The following GALNT9 variants were observed in gnomAD, a reference collection of about 807,000 sequenced individuals.
GALNT9 encodes the protein GalNAc transferase 9.
GALNT9 carries 47 observed loss-of-function variants against 63.1 expected under a neutral mutation model. The observed-to-expected ratio is 0.75, with a 90% CI of 0.59 to 0.95. The LOEUF (loss-of-function observed/expected upper bound fraction) is 0.95, where lower values mean the gene tolerates loss of function less well. Among genes scored for constraint, GALNT9 ranks in the 40% least tolerant of loss-of-function variants. The probability of loss-of-function intolerance (pLI) is 0.00; values close to 1 mark genes in which losing one functional copy is unlikely to be tolerated. For missense variants in GALNT9, 829 were observed against 874.8 expected (o/e 0.95, Z 0.66); for synonymous variants, 396 against 365.7 (o/e 1.08, Z -0.94).
chr12:132,313,465 C>G (rs1315809290), intron 1 of GALNT9, among the ~76,000 whole-genome samples: 3 of 148,272 alleles, frequency 2.0e-5, no homozygotes, highest in Non-Finnish European at 4.5e-5. Flanking sequence ...ACTCACCCAC[C>G]CATCCACCCA....
At position 132,265,350 on chromosome 12, in the gene GALNT9, G is replaced by A. The variant is rs565231620; in HGVS notation, c.420-2725C>T. Among the ~76,000 whole-genome samples, 10 of 152,212 alleles carry A rather than the reference G, an allele frequency of 6.6e-5. No homozygotes were observed. Among genetic ancestry groups the A allele is most frequent in the African/African-American group, 2.4e-4 (10 of 41,534 alleles). On this transcript the variant is annotated intron_variant, in intron 2 of 10. Transcript: ENST00000328957. The surrounding 1 kb of genome is among the most constrained non-coding windows in gnomAD (Gnocchi z 5.3). ...GTGGGCTGAACGGTGTCCTCCTCCCGCGACCCAAGACACAGTGTCAGCAGG... is the reference window on the plus strand; with the variant it reads ...GTGGGCTGAACGGTGTCCTCCTCCCACGACCCAAGACACAGTGTCAGCAGG...
At chr12:132,204,886 C>G (rs1442470729) in intron 6 of GALNT9, among the ~76,000 whole-genome samples, 1 of 152,140 alleles carries the variant, frequency 6.6e-6, no homozygotes, top group Non-Finnish European at 1.5e-5. Context: ...GCCTGCCATG[C>G]TGGACGAGTG....
At chr12:132,206,550 A>G (rs1157888652) in intron 6 of GALNT9, among the ~76,000 whole-genome samples, 5 of 152,090 alleles carry the variant, frequency 3.3e-5, no homozygotes, top group Non-Finnish European at 7.4e-5. Context: ...AGGAGGCTGA[A>G]ACATGAGAAT....
intron 6 of GALNT9, among the ~76,000 whole-genome samples, chr12:132,241,070 ACG>A (rs2136900606): frequency 8.6e-6 from 1 of 116,068 alleles, no homozygotes; most frequent in Admixed American, 8.1e-5. Flanking sequence ...CATTACACAC[ACG>A]CCACACACCC....
chr12:132,206,355 G>A (rs1310656431), intron 6 of GALNT9, among the ~76,000 whole-genome samples: 1 of 152,158 alleles, frequency 6.6e-6, no homozygotes, highest in Non-Finnish European at 1.5e-5. Context: ...TTAGTTAAAG[G>A]CACAAAACCA....
intron 6 of GALNT9, among the ~76,000 whole-genome samples, chr12:132,206,932 G>A (rs1225602563): frequency 2.0e-5 from 3 of 152,178 alleles, no homozygotes; most frequent in Non-Finnish European, 4.4e-5. Flanking sequence ...AGGTGTGGTG[G>A]TGCATGCCTG....
chr12:132,249,543 C>G (rs1283204535), intron 5 of GALNT9, among the ~76,000 whole-genome samples: 1 of 152,184 alleles, frequency 6.6e-6, no homozygotes, highest in African/African-American at 2.4e-5. Flanking sequence ...TAATACCCCC[C>G]CTTGATTTTT....
intron 1 of GALNT9, among the ~76,000 whole-genome samples, chr12:132,299,989 T>C (rs1399600425): frequency 7.3e-6 from 1 of 137,370 alleles, no homozygotes; most frequent in Non-Finnish European, 1.5e-5. Context: ...AACCCACCCC[T>C]CAGATGACCA....
rs1208573252 is a variant in GALNT9, at chr12:132,227,842, G to A, written c.1077+20068C>T. On this transcript the variant is annotated intron_variant, in intron 6 of 10. Coordinates refer to ENST00000328957, the MANE Select transcript of GALNT9 (RefSeq NM_001122636.2). ...TGGAGGGGTCTTCTGAAGACCCCTC[G>A]TGCTCAGCGGGGCTTCCCCACAGGG... is the stretch of plus-strand genomic sequence containing the variant. 5.3e-5 allele frequency among the ~76,000 whole-genome samples: 8 copies of A among 152,156 alleles called. No homozygotes were observed. In the South Asian group the frequency reaches 6.2e-4, roughly 12 times the overall value.
chr12:132,206,037 T>C (rs115585045), intron 6 of GALNT9: 4,912 of 152,614 alleles, frequency 0.032, 253 homozygotes, highest in African/African-American at 0.11. Flanking sequence ...CCTGGCACAC[T>C]GGCCTCTGGG....
intron 1 of GALNT9, among the ~76,000 whole-genome samples, chr12:132,328,146 G>A (rs1365910853): frequency 6.6e-6 from 1 of 152,194 alleles, no homozygotes; most frequent in Non-Finnish European, 1.5e-5. Context: ...CCGGGAAGGT[G>A]GAGCAGCTGG....
chr12:132,322,986 C>T (rs1262452106), intron 1 of GALNT9, among the ~76,000 whole-genome samples: 1 of 152,078 alleles, frequency 6.6e-6, no homozygotes. Context: ...GAGAGCCGTG[C>T]GTCAGCCTTG....
chr12:132,242,392 C>T (rs868953349), intron 6 of GALNT9, among the ~76,000 whole-genome samples: 1 of 7,488 alleles, frequency 1.3e-4, no homozygotes. Flanking sequence ...ACCCCCTTCC[C>T]GGGGCCCTCC....
At chr12:132,201,325 A>C in intron 7 of GALNT9, 64 bp from the exon 8 acceptor site, 7 of 1,201,442 alleles carry the variant, frequency 5.8e-6, no homozygotes, top group Non-Finnish European at 6.1e-6. Context: ...CTTCCCCATA[A>C]TGAGGTTGGG....
chr12:132,267,745 G>A (rs902056430), intron 2 of GALNT9, among the ~76,000 whole-genome samples: 2 of 132,500 alleles, frequency 1.5e-5, no homozygotes, highest in South Asian at 2.3e-4. Flanking sequence ...AAATACACAA[G>A]CACACACACT....
chr12:132,267,937 ACACG>A (rs1879702510), intron 2 of GALNT9, among the ~76,000 whole-genome samples: 1 of 150,674 alleles, frequency 6.6e-6, no homozygotes, highest in South Asian at 2.1e-4. Context: ...ATGCACACAC[ACACG>A]CACTCACATA....
chr12:132,290,349 G>A (rs1555242590), intron 1 of GALNT9, among the ~76,000 whole-genome samples: 1 of 152,162 alleles, frequency 6.6e-6, no homozygotes, highest in African/African-American at 2.4e-5. Context: ...TCAGTGAGAG[G>A]CGGCCCCACC....
intron 2 of GALNT9, among the ~76,000 whole-genome samples, chr12:132,281,706 C>T (rs1013115362): frequency 8.5e-5 from 13 of 152,232 alleles, no homozygotes; most frequent in Admixed American, 7.2e-4. Context: ...CCTACAGCAG[C>T]GGCCACCTAC....
intron 8 of GALNT9, among the ~76,000 whole-genome samples, chr12:132,200,149 G>T (rs1164902429): frequency 3.3e-5 from 5 of 152,250 alleles, no homozygotes; most frequent in Non-Finnish European, 5.9e-5. Context: ...ACTGGAGTCA[G>T]CGCAGGGTGG....
Sources: allele counts gnomAD v4.1 joint callset (sites outside exome capture counted in the v4.1 genomes callset), GRCh38; gene constraint gnomAD v4.1.1; non-coding constraint Gnocchi (gnomAD v3.1); transcripts MANE v1.5; gene names NCBI Gene and HGNC (gene_info 2026-07-23, HGNC 2026-07-21).